The following DZIP1L variants were observed in gnomAD, a reference collection of about 807,000 sequenced individuals.
The protein encoded by DZIP1L is cilium assembly protein DZIP1L.
DZIP1L carries 90 observed loss-of-function variants against 88.7 expected under a neutral mutation model. That is an observed-to-expected ratio of 1.02 (90% CI 0.86 to 1.21). The LOEUF is 1.21. Ranked by LOEUF, DZIP1L falls within the 50% of genes most tolerant of loss-of-function variation. The pLI, the probability that DZIP1L is intolerant of heterozygous loss-of-function variation, is 0.00. For synonymous variants in DZIP1L, 363 were observed against 372.1 expected (o/e 0.98, Z 0.28); for missense variants, 932 against 955.8 (o/e 0.98, Z 0.33).
At position 138,063,738 on chromosome 3, in the gene DZIP1L, A is replaced by G. The variant is rs1942778747; in HGVS notation, c.2143-761T>C. Among the ~76,000 whole-genome samples the G allele has an allele frequency of 1.3e-5, 2 of 152,244 alleles. No individual in the cohort carries two copies. The highest frequency in any genetic ancestry group is 4.8e-5 in the African/African-American group (2 of 41,468). On this transcript the variant is annotated intron_variant, in intron 15 of 15. Transcript: ENST00000327532. This position sits in a 1 kb window ranked among gnomAD's most constrained non-coding sequence, Gnocchi z 4.1. Reference sequence around the variant, plus strand: ...TTTGGGGCTGTTGGTGCTCTTTCACAATTTGGAAAAAGGAACAAGTTTTTT... The same window carrying G: ...TTTGGGGCTGTTGGTGCTCTTTCACGATTTGGAAAAAGGAACAAGTTTTTT...
intron 12 of DZIP1L, chr3:138,069,070 A>G: frequency 9.0e-7 from 1 of 1,116,280 alleles, no homozygotes; most frequent in South Asian, 1.9e-5. Flanking sequence ...CGTGGGGTTG[A>G]ACAGCCATGG....
chr3:138,086,104 T>C (rs1396247907), intron 7 of DZIP1L, among the ~76,000 whole-genome samples: 1 of 151,070 alleles, frequency 6.6e-6, no homozygotes, highest in Admixed American at 6.6e-5. Context: ...CTGGGGACTG[T>C]TGTGGGGTGG....
chr3:138,068,105 G>T, intron 13 of DZIP1L, 46 bp downstream of exon 13: 2 of 1,429,712 alleles, frequency 1.4e-6, no homozygotes, highest in Middle Eastern at 2.6e-4. Context: ...CTGAATCCAG[G>T]AGCCACCACT....
At chr3:138,097,312 G>A (rs867870457) in intron 3 of DZIP1L, among the ~76,000 whole-genome samples, 3 of 152,208 alleles carry the variant, frequency 2.0e-5, no homozygotes, top group African/African-American at 7.2e-5. Context: ...ATCATGATAA[G>A]CTCAAGTATG....
intron 7 of DZIP1L, among the ~76,000 whole-genome samples, chr3:138,085,909 A>G (rs1943909665): frequency 6.6e-6 from 1 of 152,252 alleles, no homozygotes; most frequent in South Asian, 2.1e-4. Flanking sequence ...CATATACACC[A>G]TGGAATACTA....
intron 4 of DZIP1L, among the ~76,000 whole-genome samples, chr3:138,094,173 A>G (rs1031395651): frequency 1.3e-5 from 2 of 152,244 alleles, no homozygotes; most frequent in African/African-American, 4.8e-5. Context: ...ATCACAGATC[A>G]CCATAACAGA....
intron 10 of DZIP1L, 190 bp downstream of exon 10, chr3:138,080,377 T>C: frequency 1.9e-6 from 1 of 515,286 alleles, no homozygotes; most frequent in Non-Finnish European, 3.4e-6. Context: ...ACCAGCAGAT[T>C]GTATGTTAGT....
intron 5 of DZIP1L, among the ~76,000 whole-genome samples, chr3:138,090,088 C>T (rs1944134495): frequency 6.6e-6 from 1 of 151,258 alleles, no homozygotes; most frequent in East Asian, 2.0e-4. Flanking sequence ...TGCAGTGAAC[C>T]GTGATTGTGC....
In DZIP1L at chr3:138,062,066, A is replaced by G. The variant is rs1942737294; in HGVS notation, c.*750T>C. ...TTCACACTAAAAATATACAATGGCT[A>G]TGTATAAAACCTGATTTTGGAAATA... On this transcript the variant is annotated 3_prime_UTR_variant, in exon 16 of 16. Coordinates refer to ENST00000327532, the MANE Select transcript of DZIP1L (RefSeq NM_173543.3). 6.6e-6 allele frequency: 1 copy of G among 152,660 alleles called. No homozygotes were observed. The highest frequency in any genetic ancestry group is 1.5e-5 in the Non-Finnish European group (1 of 68,042). The allele number at this position is 152,660 out of a possible 1,614,324, so 9.5% of individuals were successfully genotyped here. A position where few individuals can be genotyped will look rare whatever the true frequency, so the allele number is the denominator to read the frequency against.
At chr3:138,083,847 T>G (rs1456191783) in intron 8 of DZIP1L, among the ~76,000 whole-genome samples, 4 of 152,206 alleles carry the variant, frequency 2.6e-5, no homozygotes, top group Non-Finnish European at 5.9e-5. Flanking sequence ...AAAGTATCAG[T>G]GAGGTGCTGA....
chr3:138,103,517 G>A lies in DZIP1L; in HGVS notation c.455C>T (p.Thr152Ile), dbSNP rs151236364. The A allele has an allele frequency of 6.2e-7, 1 of 1,611,822 alleles. No individual in the cohort carries two copies. Among genetic ancestry groups the A allele is most frequent in the Non-Finnish European group, 8.5e-7 (1 of 1,179,664 alleles). The change falls in exon 2 of 16, where the codon ACC becomes ATC. Residue 152 changes from threonine to isoleucine, a missense_variant. Coordinates refer to ENST00000327532, the MANE Select transcript of DZIP1L (RefSeq NM_173543.3). ...TGTCTGCATTAGCAGCTGCTGCAGG[G>A]TGCTGATCATCTTGCGACGCCGGCG... is the stretch of plus-strand genomic sequence containing the variant. The part of the protein sequence containing the change: ...ESRRRRKMIS[T>I]LQQLLMQTGT...
intron 7 of DZIP1L, among the ~76,000 whole-genome samples, chr3:138,086,170 A>T (rs6809258): frequency 1.3e-5 from 2 of 150,190 alleles, no homozygotes; most frequent in Admixed American, 1.3e-4. Flanking sequence ...TGACAAGTTA[A>T]TGGGTGCAGC....
In DZIP1L at chr3:138,101,900, C is replaced by T. The variant is rs966221254; in HGVS notation, c.501+1571G>A. ...AGCTTGGCGTTGGCATCCTTAATGG[C>T]CAGCTCCCCACGTTGCTCGGCATCT... On this transcript the variant is annotated intron_variant, in intron 2 of 15. Coordinates refer to ENST00000327532, the MANE Select transcript of DZIP1L (RefSeq NM_173543.3). 12 of 1,446,478 alleles carry T rather than the reference C, an allele frequency of 8.3e-6. No homozygotes were observed. In the African/African-American group the frequency reaches 1.3e-4, roughly 15 times the overall value. The allele number at this position is 1,446,478 out of a possible 1,614,324, so 89.6% of individuals were successfully genotyped here. A position where few individuals can be genotyped will look rare whatever the true frequency, so the allele number is the denominator to read the frequency against.
In DZIP1L at chr3:138,102,383, C is replaced by T. The variant is rs1461073536; in HGVS notation, c.501+1088G>A. 5 of 1,234,526 alleles carry T rather than the reference C, an allele frequency of 4.1e-6. No homozygotes were observed. In the African/African-American group the frequency reaches 7.4e-5, roughly 18 times the overall value. 76.5% of individuals were successfully genotyped at this position (1,234,526 alleles called of 1,614,324 possible). A position where few individuals can be genotyped will look rare whatever the true frequency, so the allele number is the denominator to read the frequency against. ...TATGCTTATTGATCTCATCCTCATA[C>T]TTGTTCTCGAAGTCCTCCACCCAGC... On this transcript the variant is annotated intron_variant, in intron 2 of 15. Transcript: ENST00000327532.
chr3:138,069,455 G>A (rs1258002759), intron 12 of DZIP1L, among the ~76,000 whole-genome samples: 1 of 152,156 alleles, frequency 6.6e-6, no homozygotes, highest in Non-Finnish European at 1.5e-5. Flanking sequence ...TTGCGCCCCT[G>A]ACCCCTGCAT....
At chr3:138,101,871 G>A (rs765234259) in intron 2 of DZIP1L, 38 of 1,390,728 alleles carry the variant, frequency 2.7e-5, no homozygotes, top group South Asian at 5.8e-5. Flanking sequence ...CCTCCAGCTC[G>A]GACAGCTTGG....
At position 138,086,893 on chromosome 3, in the gene DZIP1L, G is replaced by A. The variant is rs1039835227; in HGVS notation, c.1062+68C>T. Reference sequence around the variant, plus strand: ...GGGAGATGGTGGGTGAGGGGGCGTGGAGAATGCTGAATTCTGAGAGGAGGT... The same window carrying A: ...GGGAGATGGTGGGTGAGGGGGCGTGAAGAATGCTGAATTCTGAGAGGAGGT... On this transcript the variant is annotated intron_variant, in intron 7 of 15. Transcript: ENST00000327532. 10 of 1,537,846 alleles carry A rather than the reference G, an allele frequency of 6.5e-6. No individual in the cohort carries two copies. In the South Asian group the frequency reaches 1.1e-4, roughly 18 times the overall value.
chr3:138,065,205 AG>A (rs2107728990), intron 14 of DZIP1L, among the ~76,000 whole-genome samples: 1 of 152,366 alleles, frequency 6.6e-6, no homozygotes, highest in East Asian at 1.9e-4. Flanking sequence ...TGCAGGAAGC[AG>A]GAGCTAAGCA....
At position 138,097,783 on chromosome 3, in the gene DZIP1L, T is replaced by C. The variant is rs780742594; in HGVS notation, c.566A>G (p.His189Arg). ...TFLRGHIQRR[H>R]AGVAEGGKQK... ...CTCACCACCTTCTGCCACGCCTGCA[T>C]GCCTGCGCTGGATGTGGCCCCGGAG... Residue 189 changes from histidine to arginine, a missense_variant, in exon 3 of 16, where the codon CAT becomes CGT. Transcript: ENST00000327532. The C allele has an allele frequency of 1.2e-6, 2 of 1,612,756 alleles. No individual in the cohort carries two copies. The highest frequency in any genetic ancestry group is 1.7e-6 in the Non-Finnish European group (2 of 1,179,496).
Sources: allele counts gnomAD v4.1 joint callset (sites outside exome capture counted in the v4.1 genomes callset), GRCh38; gene constraint gnomAD v4.1.1; non-coding constraint Gnocchi (gnomAD v3.1); transcripts MANE v1.5; gene names NCBI Gene and HGNC (gene_info 2026-07-23, HGNC 2026-07-21).